Variants in MECOM observed in about 807,000 individuals in gnomAD.
The protein encoded by MECOM is MDS1 and EVI1 complex locus.
MECOM carries 13 observed loss-of-function variants against 116.3 expected under a neutral mutation model. The observed-to-expected ratio is 0.11, with a 90% confidence interval of 0.07 to 0.18. The LOEUF is 0.18. MECOM is among the 10% of genes least tolerant of loss of function. The pLI is 1.00. For synonymous variants in MECOM, 528 were observed against 535.2 expected (o/e 0.99, Z 0.19); for missense variants, 1,299 against 1,509.0 (o/e 0.86, Z 2.31).
At chr3:169,100,849 AT>A in intron 12 of MECOM, 35 bp downstream of exon 12, 1 of 1,255,282 alleles carries the variant, frequency 8.0e-7, no homozygotes. Context: ...TTATTACAAT[AT>A]TTATCAAGAT....
intron 2 of MECOM, among the ~76,000 whole-genome samples, chr3:169,217,126 A>T (rs1318313400): frequency 6.6e-6 from 1 of 152,214 alleles, no homozygotes; most frequent in Non-Finnish European, 1.5e-5. Flanking sequence ...TATTTAGAAG[A>T]TGAACTCATA....
chr3:169,105,703 C>G (rs535697025), intron 10 of MECOM, among the ~76,000 whole-genome samples: 2 of 151,958 alleles, frequency 1.3e-5, no homozygotes, highest in Non-Finnish European at 2.9e-5. Flanking sequence ...TCCTATGGAA[C>G]AGTAATTTTT....
chr3:169,378,446 AAAGAAGGAAAGCAAGCAAGCAAGCAAGC>A (rs1731546142), intron 2 of MECOM, among the ~76,000 whole-genome samples: 4 of 80,406 alleles, frequency 5.0e-5, no homozygotes, highest in East Asian at 3.0e-4. Flanking sequence ...AGAAAGAAAG[AAAGAAGGAAAGCAAGCAAGCAAGCAAGC>A]AAGAAAGAGA....
intron 1 of MECOM, among the ~76,000 whole-genome samples, chr3:169,415,475 C>T (rs1384808382): frequency 1.3e-5 from 2 of 152,190 alleles, no homozygotes; most frequent in East Asian, 3.8e-4. Flanking sequence ...ACTGCATCAA[C>T]TAATGGACAA....
At chr3:169,609,866 T>A (rs1040859454) in intron 1 of MECOM, among the ~76,000 whole-genome samples, 1 of 152,206 alleles carries the variant, frequency 6.6e-6, no homozygotes. Flanking sequence ...AATGTGGTAT[T>A]TCTACTTTAT....
At chr3:169,237,610 CAAAAA>C (rs775383808) in intron 2 of MECOM, among the ~76,000 whole-genome samples, 1,676 of 80,624 alleles carry the variant, frequency 0.021, 18 homozygotes, top group African/African-American at 0.071. Context: ...GTCTCCATCA[CAAAAA>C]AAAAAAAAAA....
chr3:169,392,776 G>A (rs1051103399), intron 1 of MECOM, among the ~76,000 whole-genome samples: 4 of 152,152 alleles, frequency 2.6e-5, no homozygotes, highest in African/African-American at 9.7e-5. Context: ...AACTATATAT[G>A]TACTACATCT....
intron 1 of MECOM, among the ~76,000 whole-genome samples, chr3:169,493,336 T>C (rs1423008156): frequency 6.6e-6 from 1 of 152,170 alleles, no homozygotes; most frequent in East Asian, 1.9e-4. Context: ...TTCCTCATCT[T>C]CAAAAGGAAT....
rs75110773 is a variant in MECOM, at chr3:169,117,816, A to C, written c.1133-1077T>G. Reference sequence around the variant, plus strand: ...CCCTTAATAACTCCTTTACCAGGTAAGAATCACTCACTTCACTGTCCAGCA... The same window carrying C: ...CCCTTAATAACTCCTTTACCAGGTACGAATCACTCACTTCACTGTCCAGCA... On this transcript the variant is annotated intron_variant, in intron 7 of 16. Transcript: ENST00000651503. Among the ~76,000 whole-genome samples the C allele has an allele frequency of 2.8e-3, 427 of 152,342 alleles. 3 individuals carry two copies. The highest frequency in any genetic ancestry group is 9.5e-3 in the African/African-American group (396 of 41,576).
chr3:169,349,966 T>C (rs1311906846), intron 2 of MECOM, among the ~76,000 whole-genome samples: 1 of 151,938 alleles, frequency 6.6e-6, no homozygotes, highest in African/African-American at 2.4e-5. Context: ...TGGCTACAAT[T>C]CAATTAATAT....
intron 2 of MECOM, among the ~76,000 whole-genome samples, chr3:169,338,278 C>G (rs962022119): frequency 1.3e-5 from 2 of 152,134 alleles, no homozygotes; most frequent in Non-Finnish European, 2.9e-5. Context: ...AAGAAGTTTC[C>G]CCGGATGCCT....
chr3:169,092,396 A>C (rs906927599), intron 14 of MECOM, among the ~76,000 whole-genome samples: 3 of 151,972 alleles, frequency 2.0e-5, no homozygotes, highest in Non-Finnish European at 2.9e-5. Flanking sequence ...AAATGCATAC[A>C]TACATATGTA....
chr3:169,626,687 A>C (rs140520397), intron 1 of MECOM, among the ~76,000 whole-genome samples: 22 of 152,294 alleles, frequency 1.4e-4, no homozygotes, highest in African/African-American at 5.3e-4. Flanking sequence ...TTTAAAACAC[A>C]CCTGGTTTCT....
intron 2 of MECOM, among the ~76,000 whole-genome samples, chr3:169,189,324 T>G (rs78432919): frequency 4.4e-4 from 67 of 152,106 alleles, no homozygotes; most frequent in African/African-American, 1.6e-3. Context: ...CACTGAACGC[T>G]TTCCCTACAG....
rs984128503 is a variant in MECOM at position 169,146,397 on chromosome 3, C to A, written c.376-2565G>T. 2.2e-6 allele frequency: 3 copies of A among 1,388,340 alleles called. No homozygotes were observed. The African/African-American group carries it at 4.3e-5, about 20-fold the overall frequency. 86.0% of individuals were successfully genotyped at this position (1,388,340 alleles called of 1,614,324 possible). ...GCACCTTGTGCGTCCCCGAAACCGACGGACAGAGACACACGGAGGGAGGGG... is the reference window on the plus strand; with the variant it reads ...GCACCTTGTGCGTCCCCGAAACCGAAGGACAGAGACACACGGAGGGAGGGG... On this transcript the variant is annotated intron_variant, in intron 2 of 16. Coordinates refer to ENST00000651503, the MANE Select transcript of MECOM (RefSeq NM_004991.4).
chr3:169,216,838 T>C (rs1156964453), intron 2 of MECOM, among the ~76,000 whole-genome samples: 5 of 152,046 alleles, frequency 3.3e-5, no homozygotes, highest in Non-Finnish European at 7.4e-5. Flanking sequence ...GTTGACAGTG[T>C]TTATCTGTAA....
At chr3:169,110,365 A>G (rs190807595) in intron 9 of MECOM, among the ~76,000 whole-genome samples, 3 of 152,290 alleles carry the variant, frequency 2.0e-5, no homozygotes, top group African/African-American at 4.8e-5. Context: ...GTCCTTCCAC[A>G]TGCCAAGCAC....
intron 1 of MECOM, among the ~76,000 whole-genome samples, chr3:169,460,856 A>G (rs1297527987): frequency 1.3e-5 from 2 of 152,168 alleles, no homozygotes; most frequent in Admixed American, 6.5e-5. Context: ...AAAAGGGCCA[A>G]AAACATCCAC....
At chr3:169,239,143 CA>C (rs1327273785) in intron 2 of MECOM, among the ~76,000 whole-genome samples, 1 of 152,110 alleles carries the variant, frequency 6.6e-6, no homozygotes. Flanking sequence ...CTGACGTCCT[CA>C]AGCAAAGTTG....
Sources: allele counts gnomAD v4.1 joint callset (sites outside exome capture counted in the v4.1 genomes callset), GRCh38; gene constraint gnomAD v4.1.1; transcripts MANE v1.5; gene names NCBI Gene and HGNC (gene_info 2026-07-23, HGNC 2026-07-21).